The following ROBO1 variants were observed in gnomAD, a reference collection of about 807,000 sequenced individuals.
ROBO1 encodes roundabout homolog 1.
Under a neutral mutation model 195.9 loss-of-function variants are expected in ROBO1, and 149 were observed. That is an observed-to-expected ratio of 0.76 (90% CI 0.67 to 0.87). The LOEUF is 0.87. Ranked by LOEUF, ROBO1 falls within the 40% of genes least tolerant of loss-of-function variation. The pLI, the probability that ROBO1 is intolerant of heterozygous loss-of-function variation, is 0.00. For synonymous variants in ROBO1, 816 were observed against 733.2 expected, an observed-to-expected ratio of 1.11 and a Z score of -1.82; for missense variants, 1,933 against 2,068.3, an observed-to-expected ratio of 0.93 and a Z score of 1.27.
At chr3:78,722,150 C>T (rs2082059985) in intron 5 of ROBO1, among the ~76,000 whole-genome samples, 1 of 152,062 alleles carries the variant, frequency 6.6e-6, no homozygotes, top group Admixed American at 6.6e-5. Context: ...CAGACCTATT[C>T]TTTGGGAGCA....
At chr3:79,470,619 G>A (rs904228233) in intron 2 of ROBO1, among the ~76,000 whole-genome samples, 1 of 152,146 alleles carries the variant, frequency 6.6e-6, no homozygotes, top group African/African-American at 2.4e-5. Context: ...GATGGGGCCA[G>A]GTGGACATAA....
In ROBO1 at chr3:79,589,817, C is replaced by T. The variant is rs138253452; in HGVS notation, c.88+7G>A. 6.2e-7 allele frequency: 1 copy of T among 1,606,772 alleles called. No individual in the cohort carries two copies. Among genetic ancestry groups the T allele is most frequent in the South Asian group, 1.1e-5 (1 of 90,826 alleles). On this transcript the variant is annotated splice_region_variant and intron_variant, in intron 2 of 30. Coordinates refer to ENST00000464233, the MANE Select transcript of ROBO1 (RefSeq NM_002941.4). ...AAGTATTGATGAAACAAATGCACAG[C>T]ACTTACCTGGAATAAGCTGGGCCAG...
At chr3:79,760,497 CA>C (rs71631676) in intron 1 of ROBO1, among the ~76,000 whole-genome samples, 17,615 of 114,748 alleles carry the variant, frequency 0.15, 1,031 homozygotes, top group African/African-American at 0.19. Flanking sequence ...AATGCAATAC[CA>C]AAAAAAAAAA....
chr3:79,393,187 C>T (rs1325162006), intron 2 of ROBO1, among the ~76,000 whole-genome samples: 1 of 152,188 alleles, frequency 6.6e-6, no homozygotes, highest in African/African-American at 2.4e-5. Flanking sequence ...ATTGAGCCTA[C>T]TTGATGCAAT....
chr3:79,091,145 C>T (rs953944577), intron 3 of ROBO1, among the ~76,000 whole-genome samples: 10 of 152,020 alleles, frequency 6.6e-5, no homozygotes, highest in Non-Finnish European at 1.5e-4. Context: ...AACATAACCC[C>T]CAACAAAATT....
intron 3 of ROBO1, among the ~76,000 whole-genome samples, chr3:79,000,727 T>C (rs1039003843): frequency 3.9e-5 from 6 of 152,106 alleles, no homozygotes; most frequent in African/African-American, 2.4e-5. Context: ...TCCTCAAGGA[T>C]CTAGAACCAG....
intron 3 of ROBO1, among the ~76,000 whole-genome samples, chr3:78,967,208 C>T (rs1343268714): frequency 1.3e-5 from 2 of 152,088 alleles, no homozygotes; most frequent in Non-Finnish European, 2.9e-5. Flanking sequence ...CCAGAGGAGC[C>T]CTAGAGCACT....
At chr3:79,442,635 AG>A (rs1349725500) in intron 2 of ROBO1, among the ~76,000 whole-genome samples, 1 of 152,098 alleles carries the variant, frequency 6.6e-6, no homozygotes. Flanking sequence ...ACAGAATGGA[AG>A]GTGCCTCAGT....
chr3:78,795,365 T>C (rs2084153798), intron 4 of ROBO1, among the ~76,000 whole-genome samples: 1 of 152,172 alleles, frequency 6.6e-6, no homozygotes, highest in Non-Finnish European at 1.5e-5. Flanking sequence ...CCCCCTCCCA[T>C]AACAGAAAAT....
intron 3 of ROBO1, among the ~76,000 whole-genome samples, chr3:79,008,801 C>A (rs1455821661): frequency 1.4e-5 from 2 of 145,794 alleles, no homozygotes; most frequent in East Asian, 4.0e-4. Flanking sequence ...GTTGCCCAGG[C>A]TAGTCTCAAA....
intron 4 of ROBO1, among the ~76,000 whole-genome samples, chr3:78,852,232 C>T (rs527465799): frequency 1.4e-4 from 22 of 152,178 alleles, no homozygotes; most frequent in African/African-American, 4.8e-4. Flanking sequence ...CAATTTAATA[C>T]ATGTTAAGTA....
At chr3:79,640,399 T>G (rs1222227886) in intron 1 of ROBO1, among the ~76,000 whole-genome samples, 1 of 152,036 alleles carries the variant, frequency 6.6e-6, no homozygotes, top group East Asian at 1.9e-4. Flanking sequence ...CCTAGCAACT[T>G]GGAACTGTGA....
chr3:79,021,952 G>A (rs574927481), intron 3 of ROBO1, among the ~76,000 whole-genome samples: 6 of 152,278 alleles, frequency 3.9e-5, no homozygotes, highest in African/African-American at 1.4e-4. Flanking sequence ...GAGCCCTGCC[G>A]CGCCCGGCCT....
chr3:79,386,226 A>T (rs1336320874), intron 2 of ROBO1, among the ~76,000 whole-genome samples: 7 of 152,182 alleles, frequency 4.6e-5, no homozygotes, highest in Admixed American at 4.6e-4. Context: ...ACTTACTGTG[A>T]ACGTCAGTTC....
chr3:79,299,187 GTTTACATCGCAT>G (rs2032758365), intron 2 of ROBO1, among the ~76,000 whole-genome samples: 1 of 152,106 alleles, frequency 6.6e-6, no homozygotes, highest in South Asian at 2.1e-4. Context: ...GTATATTGAA[GTTTACATCGCAT>G]TTAGCATAGA....
chr3:78,943,751 C>T (rs2040265458), intron 3 of ROBO1, among the ~76,000 whole-genome samples: 1 of 152,150 alleles, frequency 6.6e-6, no homozygotes, highest in African/African-American at 2.4e-5. Flanking sequence ...AAAATATACA[C>T]TATCAAGCAT....
chr3:79,257,469 T>C (rs573835246), intron 2 of ROBO1, among the ~76,000 whole-genome samples: 1 of 152,282 alleles, frequency 6.6e-6, no homozygotes, highest in South Asian at 2.1e-4. Flanking sequence ...GGCCATTAAT[T>C]AGTCCACAGT....
At chr3:78,853,057 A>T (rs1343113404) in intron 4 of ROBO1, among the ~76,000 whole-genome samples, 1 of 152,204 alleles carries the variant, frequency 6.6e-6, no homozygotes, top group Non-Finnish European at 1.5e-5. Flanking sequence ...TCCATTTCAG[A>T]CATTTGCTTT....
intron 17 of ROBO1, 21 bp downstream of exon 17, chr3:78,659,665 A>ATATG: frequency 6.8e-7 from 1 of 1,461,250 alleles, no homozygotes; most frequent in Non-Finnish European, 9.1e-7. Context: ...ACATTAATAT[A>ATATG]TATATATATT....
Sources: allele counts gnomAD v4.1 joint callset (sites outside exome capture counted in the v4.1 genomes callset), GRCh38; gene constraint gnomAD v4.1.1; transcripts MANE v1.5; gene names NCBI Gene and HGNC (gene_info 2026-07-23, HGNC 2026-07-21).